Variants in SCP2 observed in about 807,000 individuals in gnomAD.
SCP2 encodes SCP-2/3-oxoacyl-CoA thiolase.
Under a neutral mutation model 71.4 loss-of-function variants are expected in SCP2, and 48 were observed. The ratio of observed to expected loss-of-function variants is 0.67; its 90% confidence interval spans 0.53 to 0.86. The LOEUF (loss-of-function observed/expected upper bound fraction) is 0.86. Among genes scored for constraint, SCP2 ranks in the 40% least tolerant of loss-of-function variants. The pLI, the probability that SCP2 is intolerant of heterozygous loss-of-function variation, is 0.00. For synonymous variants in SCP2, 220 were observed against 218.1 expected (o/e 1.01, Z -0.08); for missense variants, 560 against 655.6 (o/e 0.85, Z 1.59).
intron 11 of SCP2, among the ~76,000 whole-genome samples, chr1:53,011,693 A>C (rs1309461870): frequency 6.6e-6 from 1 of 152,166 alleles, no homozygotes; most frequent in Non-Finnish European, 1.5e-5. Flanking sequence ...ATGGGATCTG[A>C]CACTATCTCC....
intron 13 of SCP2, among the ~76,000 whole-genome samples, chr1:53,035,130 G>T (rs1036726539): frequency 1.3e-5 from 2 of 151,582 alleles, no homozygotes; most frequent in Non-Finnish European, 2.9e-5. Context: ...AAATTAATAT[G>T]ATACCAAAAG....
chr1:53,037,157 A>ATAG (rs1378053948), intron 13 of SCP2, among the ~76,000 whole-genome samples: 5 of 151,892 alleles, frequency 3.3e-5, no homozygotes, highest in Admixed American at 3.3e-4. Context: ...AATAATAATA[A>ATAG]ATGATGAATG....
In SCP2 at chr1:53,041,547, T is replaced by C. The variant is rs551085619; in HGVS notation, c.1468+2501T>C. ...TGTTTTAGAGGATGAAGCTGGTACATTAGACCTGATGAATTGAAAGGGGTG... is the reference window on the plus strand; with the variant it reads ...TGTTTTAGAGGATGAAGCTGGTACACTAGACCTGATGAATTGAAAGGGGTG... On this transcript the variant is annotated intron_variant, in intron 14 of 15. Transcript: ENST00000371514. Among the ~76,000 whole-genome samples, 4 of 152,268 alleles carry C rather than the reference T, an allele frequency of 2.6e-5. No individual in the cohort carries two copies. The East Asian group carries it at 7.7e-4, about 29-fold the overall frequency.
intron 2 of SCP2, among the ~76,000 whole-genome samples, chr1:52,944,567 G>A (rs1301096733): frequency 2.0e-5 from 3 of 152,104 alleles, no homozygotes; most frequent in Non-Finnish European, 4.4e-5. Flanking sequence ...TTTGAAGTGG[G>A]AGATGCTTTG....
intron 12 of SCP2, among the ~76,000 whole-genome samples, chr1:53,015,582 TC>T (rs1661281277): frequency 6.6e-6 from 1 of 152,148 alleles, no homozygotes; most frequent in African/African-American, 2.4e-5. Flanking sequence ...GAAATGTTCC[TC>T]CCCAGAGGAA....
chr1:53,009,195 T>C lies in SCP2; in HGVS notation c.1082-5695T>C, dbSNP rs538407003. 7.9e-5 allele frequency among the ~76,000 whole-genome samples: 12 copies of C among 152,314 alleles called. No homozygotes were observed. In the East Asian group the frequency reaches 2.3e-3, roughly 29 times the overall value. ...AGAATGAATATCGTGAAAATGGCCG[T>C]ACTGCCCAAGGTAATTTATAGATTC... On this transcript the variant is annotated intron_variant, in intron 11 of 15. Transcript: ENST00000371514.
At chr1:52,960,372 T>C (rs1234013644) in intron 5 of SCP2, among the ~76,000 whole-genome samples, 1 of 151,976 alleles carries the variant, frequency 6.6e-6, no homozygotes, top group Non-Finnish European at 1.5e-5. Context: ...AATCTTGCTA[T>C]GTTGCCCATG....
At chr1:52,982,407 A>G (rs1000851734) in intron 10 of SCP2, among the ~76,000 whole-genome samples, 13 of 152,056 alleles carry the variant, frequency 8.5e-5, no homozygotes, top group African/African-American at 3.1e-4. Flanking sequence ...CCTCTCTACT[A>G]AAAATACAAA....
chr1:53,027,654 G>A (rs1191725329), intron 12 of SCP2, among the ~76,000 whole-genome samples: 3 of 152,070 alleles, frequency 2.0e-5, no homozygotes, highest in East Asian at 3.9e-4. Flanking sequence ...ACAGGCATGC[G>A]CCATCATGCC....
intron 1 of SCP2, among the ~76,000 whole-genome samples, chr1:52,937,571 G>A (rs1653852145): frequency 6.6e-6 from 1 of 152,188 alleles, no homozygotes; most frequent in African/African-American, 2.4e-5. Context: ...GAAGAATTGG[G>A]ATGGGTCAGA....
At position 52,976,702 on chromosome 1, in the gene SCP2, G is replaced by A. The variant is rs745955187; in HGVS notation, c.607G>A (p.Glu203Lys). 6.4e-7 allele frequency: 1 copy of A among 1,557,058 alleles called. No homozygotes were observed. The highest frequency in any genetic ancestry group is 1.1e-5 in the South Asian group (1 of 89,782). Residue 203 changes from glutamate (E) to lysine (K), a missense_variant, in exon 8 of 16, where the codon GAA becomes AAA. Physicochemically the swap from Glu to Lys is moderately conservative, Grantham distance 56. Around this residue, in one of 3 missense-constraint regions of SCP2, gnomAD observed 513 missense variants for 573.1 expected, o/e 0.90. Coordinates refer to ENST00000371514, the MANE Select transcript of SCP2 (RefSeq NM_002979.5). ...VNNPYSQFQDEYSLDEVMASK... is the reference protein window; with the variant it reads ...VNNPYSQFQDKYSLDEVMASK... ...ATTTAGGTATTCCCAGTTCCAAGAT[G>A]AATACAGTTTAGATGAAGTGATGGC...
intron 5 of SCP2, among the ~76,000 whole-genome samples, chr1:52,960,144 C>T (rs1309908660): frequency 6.6e-6 from 1 of 152,002 alleles, no homozygotes; most frequent in Non-Finnish European, 1.5e-5. Flanking sequence ...CCCGCCTGGC[C>T]TCCCAAATTG....
At chr1:52,971,843 T>G (rs1657527136) in intron 6 of SCP2, among the ~76,000 whole-genome samples, 1 of 152,172 alleles carries the variant, frequency 6.6e-6, no homozygotes, top group Admixed American at 6.5e-5. Flanking sequence ...TTATGACCAG[T>G]TTTTACACAG....
At chr1:52,981,804 AATAT>A (rs1470331613) in intron 10 of SCP2, among the ~76,000 whole-genome samples, 1 of 150,484 alleles carries the variant, frequency 6.6e-6, no homozygotes, top group Non-Finnish European at 1.5e-5. Context: ...TATTAAATAA[AATAT>A]ATACTAGAAA....
chr1:52,963,045 G>GAA (rs58091659), intron 6 of SCP2, among the ~76,000 whole-genome samples: 1 of 111,546 alleles, frequency 9.0e-6, no homozygotes, highest in Non-Finnish European at 1.9e-5. Flanking sequence ...AAGGATAAAA[G>GAA]AAAAAAAAAA....
At chr1:52,960,585 T>C (rs911825322) in intron 5 of SCP2, among the ~76,000 whole-genome samples, 6 of 147,256 alleles carry the variant, frequency 4.1e-5, no homozygotes, top group Non-Finnish European at 3.0e-5. Flanking sequence ...TGTATATATG[T>C]ATGTATATGT....
intron 10 of SCP2, 142 bp downstream of exon 10, chr1:52,980,685 T>C: frequency 1.2e-6 from 1 of 837,752 alleles, no homozygotes; most frequent in Non-Finnish European, 2.0e-6. Flanking sequence ...GTAAGCTGTT[T>C]TGGTAGTGGA....
chr1:52,940,482 CCCTTGTGAGTTG>C (rs1654127347), intron 1 of SCP2: 1 of 154,358 alleles, frequency 6.5e-6, no homozygotes, highest in African/African-American at 2.4e-5. Context: ...CATAAAGGGT[CCCTTGTGAGTTG>C]GCTCCAGACC....
At chr1:52,996,334 G>T (rs752690341) in intron 11 of SCP2, among the ~76,000 whole-genome samples, 10 of 152,062 alleles carry the variant, frequency 6.6e-5, no homozygotes, top group Non-Finnish European at 1.3e-4. Context: ...GTCTCATCCA[G>T]ATCTCATTTA....
Sources: gnomAD v4.1 joint callset for allele counts (sites outside exome capture counted in the v4.1 genomes callset) on GRCh38, gnomAD v4.1.1 for gene constraint, gnomAD v4.1.1 regional missense constraint, MANE v1.5 for transcripts, NCBI Gene and HGNC (gene_info 2026-07-23, HGNC 2026-07-21) for gene names.